The following TTC39A variants were observed in gnomAD, a reference collection of about 807,000 sequenced individuals.
TTC39A encodes tetratricopeptide repeat domain 39A.
A neutral mutation model predicts 82.3 loss-of-function variants in TTC39A; 46 were observed. That is an observed-to-expected ratio of 0.56 (90% CI 0.44 to 0.71). The LOEUF (loss-of-function observed/expected upper bound fraction) is 0.71, where lower values mean the gene tolerates loss of function less well. Among genes scored for constraint, TTC39A ranks in the 30% least tolerant of loss-of-function variants. TTC39A has a pLI of 0.00. For missense variants in TTC39A, 543 were observed against 712.9 expected (o/e 0.76, Z 2.71); for synonymous variants, 254 against 275.2 (o/e 0.92, Z 0.76).
At chr1:51,331,051 G>C, upstream of TTC39A, 1 of 864,318 alleles carries the variant, frequency 1.2e-6, no homozygotes, top group Non-Finnish European at 1.9e-6. Flanking sequence ...CTCACTGCTA[G>C]CTGGCAGTTC....
intron 7 of TTC39A, among the ~76,000 whole-genome samples, chr1:51,305,767 T>G (rs1024488568): frequency 6.6e-6 from 1 of 152,174 alleles, no homozygotes; most frequent in African/African-American, 2.4e-5. Context: ...AATGCACCGA[T>G]GGACTCTGGA....
intron 1 of TTC39A, among the ~76,000 whole-genome samples, chr1:51,326,181 G>C (rs1645707214): frequency 6.6e-6 from 1 of 152,190 alleles, no homozygotes; most frequent in African/African-American, 2.4e-5. Context: ...TGTGATCATG[G>C]GAATCACTGG....
Position 51,296,129 on chromosome 1 carries a change from A to G in TTC39A, c.1095T>C (p.Phe365=). Residue 365 remains phenylalanine, a synonymous_variant, in exon 13 of 18, where the codon TTT becomes TTC. Coordinates refer to ENST00000680483, the MANE Select transcript of TTC39A (RefSeq NM_001297663.2). The part of the protein sequence containing the change: ...IYMKAAYLSM[F]GKEDHKPFGD... Reference sequence around the variant, plus strand: ...CGAACGGCTTGTGGTCCTCCTTCCCAAACATGCTGAGGTAGGCGGCCTTCA... The same window carrying G: ...CGAACGGCTTGTGGTCCTCCTTCCCGAACATGCTGAGGTAGGCGGCCTTCA... The G allele has an allele frequency of 1.2e-6, 2 of 1,600,560 alleles. No homozygotes were observed. The highest frequency in any genetic ancestry group is 3.4e-5 in the Admixed American group (2 of 57,982).
In TTC39A at chr1:51,321,903, G is replaced by A. The variant is rs1250862936; in HGVS notation, c.42-78C>T. 18 of 1,448,090 alleles carry A rather than the reference G, an allele frequency of 1.2e-5. No individual in the cohort carries two copies. The highest frequency in any genetic ancestry group is 1.2e-5 in the Non-Finnish European group (13 of 1,053,566). 89.7% of individuals were successfully genotyped at this position (1,448,090 alleles called of 1,614,324 possible). A position where few individuals can be genotyped will look rare whatever the true frequency, so the allele number is the denominator to read the frequency against. On this transcript the variant is annotated intron_variant, in intron 1 of 17. Transcript: ENST00000680483. This position sits in a 1 kb window ranked among gnomAD's most constrained non-coding sequence, Gnocchi z 4.6. The stretch of plus-strand genomic sequence containing the variant: ...CTCCTGGCTGGAACAGAGCCTCACA[G>A]GGTCTACTCAGCCTCCCTGGCCAGC...
At chr1:51,292,553 C>T (rs777406274) in intron 14 of TTC39A, among the ~76,000 whole-genome samples, 4 of 152,162 alleles carry the variant, frequency 2.6e-5, no homozygotes, top group Non-Finnish European at 5.9e-5. Flanking sequence ...ACCTCAGCCT[C>T]CCAAGAAACT....
chr1:51,331,489 T>C (rs559224578), upstream of TTC39A: 55 of 1,335,194 alleles, frequency 4.1e-5, 1 homozygote, highest in South Asian at 8.9e-4. Flanking sequence ...GGAAGGACTG[T>C]AGCTCCCCTG....
intron 1 of TTC39A, among the ~76,000 whole-genome samples, chr1:51,322,869 A>G (rs1317925597): frequency 3.3e-5 from 5 of 152,050 alleles, no homozygotes; most frequent in African/African-American, 1.2e-4. Context: ...TCCTACATAT[A>G]CCTTAGGGCC....
intron 14 of TTC39A, among the ~76,000 whole-genome samples, chr1:51,291,252 A>G (rs1188031303): frequency 6.6e-6 from 1 of 152,018 alleles, no homozygotes; most frequent in Admixed American, 6.6e-5. Flanking sequence ...GCACTTTGGG[A>G]GGCCGAGATG....
intron 2 of TTC39A, among the ~76,000 whole-genome samples, chr1:51,319,803 A>C (rs983915880): frequency 6.7e-6 from 1 of 149,868 alleles, no homozygotes; most frequent in South Asian, 2.1e-4. Context: ...CGATCCTCCC[A>C]CCTCAGCCTC....
chr1:51,327,738 C>T (rs1048328315), intron 1 of TTC39A, among the ~76,000 whole-genome samples: 9 of 150,804 alleles, frequency 6.0e-5, no homozygotes, highest in Non-Finnish European at 1.2e-4. Flanking sequence ...TCTCTGTCGC[C>T]CAGGCTGGAG....
intron 2 of TTC39A, among the ~76,000 whole-genome samples, chr1:51,318,122 G>A (rs1645362381): frequency 6.6e-6 from 1 of 152,222 alleles, no homozygotes; most frequent in Admixed American, 6.5e-5. Context: ...GTAGGCTGAG[G>A]CATGGCCTTA....
chr1:51,305,419 C>T, intron 7 of TTC39A: 1 of 396,494 alleles, frequency 2.5e-6, no homozygotes, highest in South Asian at 2.3e-5. Context: ...GAAGCTCCTC[C>T]TCCCTTGATC....
In TTC39A at chr1:51,306,122, G is replaced by T. The variant is rs1392756908; in HGVS notation, c.489-46C>A. ...CTGTTTCAGCCACTGCTGGGGGTGG[G>T]GGGTAGGGGCTGGGACCCCTTCCAG... On this transcript the variant is annotated intron_variant, in intron 6 of 17. Coordinates refer to ENST00000680483, the MANE Select transcript of TTC39A (RefSeq NM_001297663.2). The T allele has an allele frequency of 3.2e-6, 5 of 1,552,690 alleles. No homozygotes were observed. In the East Asian group the frequency reaches 9.0e-5, roughly 28 times the overall value.
At chr1:51,299,621 A>G (rs1279741955) in intron 12 of TTC39A, 1 of 152,154 alleles carries the variant, frequency 6.6e-6, no homozygotes, top group African/African-American at 2.4e-5. Flanking sequence ...AGAGAGAGGG[A>G]CTGGCCACCC....
At chr1:51,342,485 TC>T (rs1646049056) in intron 1 of TTC39A, among the ~76,000 whole-genome samples, 2 of 152,160 alleles carry the variant, frequency 1.3e-5, no homozygotes, top group Non-Finnish European at 2.9e-5. Context: ...TGAATCAATG[TC>T]AAAGAGCCAG....
chr1:51,342,175 T>G (rs972280628), intron 1 of TTC39A, among the ~76,000 whole-genome samples: 4 of 152,144 alleles, frequency 2.6e-5, no homozygotes, highest in Non-Finnish European at 4.4e-5. Flanking sequence ...GCGGTCCCCA[T>G]TGTAAGATGC....
chr1:51,312,383 G>C (rs1645118127), intron 3 of TTC39A, among the ~76,000 whole-genome samples, 188 bp from the exon 4 acceptor site: 1 of 152,224 alleles, frequency 6.6e-6, no homozygotes, highest in South Asian at 2.1e-4. Flanking sequence ...CTGAGGCTCA[G>C]TGCCTTCACT....
At position 51,312,191 on chromosome 1, in the gene TTC39A, G is replaced by A. The variant is rs750131785; in HGVS notation, c.283C>T (p.Arg95Trp). Reference protein sequence around the residue: ...KEAQMLCQRHRRKSSVTDSFS... With the variant: ...KEAQMLCQRHWRKSSVTDSFS... Reference sequence around the variant, plus strand: ...GAATCTGTTACAGAAGACTTCCTCCGGTGCCTGAAGAGGAAAAAGAGGGGC... The same window carrying A: ...GAATCTGTTACAGAAGACTTCCTCCAGTGCCTGAAGAGGAAAAAGAGGGGC... Residue 95 changes from arginine to tryptophan, a missense_variant, in exon 4 of 18, where the codon CGG becomes TGG. Physicochemically the swap from Arg to Trp is moderately radical, Grantham distance 101. Coordinates refer to ENST00000680483, the MANE Select transcript of TTC39A (RefSeq NM_001297663.2). 16 of 1,605,670 alleles carry A rather than the reference G, an allele frequency of 1.0e-5. No homozygotes were observed. Among genetic ancestry groups the A allele is most frequent in the South Asian group, 4.5e-5 (4 of 89,118 alleles).
Position 51,322,171 on chromosome 1 carries a change from C to T in TTC39A, c.42-346G>A, listed in dbSNP as rs1298119625. ...GGCCCTTCTGGCCCATTGGGCTCTG[C>T]TGCCCCCCCAGGGGGTGCAGCCCAG... On this transcript the variant is annotated intron_variant, in intron 1 of 17. Transcript: ENST00000680483. The T allele has an allele frequency of 1.9e-6, 3 of 1,547,930 alleles. No homozygotes were observed. The African/African-American group carries it at 4.1e-5, about 21-fold the overall frequency.
Sources: allele counts gnomAD v4.1 joint callset (sites outside exome capture counted in the v4.1 genomes callset), GRCh38; gene constraint gnomAD v4.1.1; non-coding constraint Gnocchi (gnomAD v3.1); transcripts MANE v1.5; gene names NCBI Gene and HGNC (gene_info 2026-07-23, HGNC 2026-07-21).